Variants in NR2F1-AS1 observed in about 807,000 individuals in gnomAD.
The protein encoded by NR2F1-AS1 is NR2F1 regulatory antisense RNA 1, also known as NR2F1 antisense RNA 1.
chr5:93,464,511 G>GTT (rs1329154139), intron 4 of NR2F1-AS1, among the ~76,000 whole-genome samples: 2 of 152,106 alleles, frequency 1.3e-5, no homozygotes, highest in Non-Finnish European at 2.9e-5. Context: ...TTGATTAAGA[G>GTT]TTTTTTAAGT....
chr5:93,526,378 A>G lies in NR2F1-AS1; in HGVS notation n.638+27383T>C, dbSNP rs1199798806. On this transcript the variant is annotated intron_variant and non_coding_transcript_variant, in intron 4 of 5. Coordinates refer to ENST00000660523, the Ensembl canonical transcript of NR2F1-AS1. ...ACGGCCTACCAACCAACAAAAGCGC[A>G]GGACCAAAGAGATTCACAGACGAAT... is the stretch of plus-strand genomic sequence containing the variant. Among the ~76,000 whole-genome samples the G allele has an allele frequency of 2.0e-5, 3 of 152,336 alleles. No individual in the cohort carries two copies. The East Asian group carries it at 5.8e-4, about 29-fold the overall frequency.
chr5:93,460,140 G>A (rs1750057203), intron 4 of NR2F1-AS1, among the ~76,000 whole-genome samples: 1 of 151,996 alleles, frequency 6.6e-6, no homozygotes, highest in African/African-American at 2.4e-5. Flanking sequence ...TGATGAAAAC[G>A]CCCTGGAATG....
intron 4 of NR2F1-AS1, among the ~76,000 whole-genome samples, chr5:93,485,647 T>C (rs10067152): frequency 6.6e-6 from 1 of 152,136 alleles, no homozygotes; most frequent in African/African-American, 2.4e-5. Context: ...TGAAAAACCC[T>C]TCAAAAAGTC....
At chr5:93,464,452 A>G (rs1026116990) in intron 4 of NR2F1-AS1, among the ~76,000 whole-genome samples, 21 of 152,224 alleles carry the variant, frequency 1.4e-4, no homozygotes, top group African/African-American at 5.1e-4. Context: ...AGATGTTTTC[A>G]ATTACCCTTC....
chr5:93,580,158 T>C (rs994387379), intron 1 of NR2F1-AS1, among the ~76,000 whole-genome samples: 7 of 152,180 alleles, frequency 4.6e-5, no homozygotes, highest in African/African-American at 1.7e-4. Context: ...GTTTCCCGCC[T>C]AGGAGAGAGA....
intron 2 of NR2F1-AS1, among the ~76,000 whole-genome samples, chr5:93,556,850 G>T (rs1356411048): frequency 6.6e-6 from 1 of 152,182 alleles, no homozygotes; most frequent in African/African-American, 2.4e-5. Flanking sequence ...TTTCTGTTGA[G>T]TCAGTCGCCC....
chr5:93,582,216 T>C (rs1753115364), upstream of NR2F1-AS1, among the ~76,000 whole-genome samples: 1 of 147,694 alleles, frequency 6.8e-6, no homozygotes, highest in African/African-American at 2.5e-5. Context: ...GGGGACTTAC[T>C]ACTGTTTTAT....
chr5:93,503,338 G>A (rs1561471883), intron 4 of NR2F1-AS1, among the ~76,000 whole-genome samples: 1 of 152,016 alleles, frequency 6.6e-6, no homozygotes, highest in East Asian at 1.9e-4. Context: ...AATAGCATTG[G>A]TATTGTTACA....
At chr5:93,413,199 T>C (rs1293009918) in intron 4 of NR2F1-AS1, among the ~76,000 whole-genome samples, 1 of 108,752 alleles carries the variant, frequency 9.2e-6, no homozygotes, top group East Asian at 2.2e-4. Flanking sequence ...CATATATATG[T>C]ATATATATGT....
At chr5:93,573,567 G>A (rs1365868744) in intron 1 of NR2F1-AS1, among the ~76,000 whole-genome samples, 1 of 152,166 alleles carries the variant, frequency 6.6e-6, no homozygotes, top group Non-Finnish European at 1.5e-5. Context: ...TCAGTCAGTG[G>A]CCACAATAAA....
intron 4 of NR2F1-AS1, among the ~76,000 whole-genome samples, chr5:93,484,689 G>A (rs1750678544): frequency 6.6e-6 from 1 of 151,348 alleles, no homozygotes; most frequent in Non-Finnish European, 1.5e-5. Flanking sequence ...CCATCAATGT[G>A]CTGTATTCAG....
intron 4 of NR2F1-AS1, among the ~76,000 whole-genome samples, chr5:93,419,738 A>G (rs551020045): frequency 2.6e-5 from 4 of 152,240 alleles, no homozygotes; most frequent in Admixed American, 1.3e-4. Context: ...AGGATTCTGC[A>G]AAATTGACAC....
intron 4 of NR2F1-AS1, among the ~76,000 whole-genome samples, chr5:93,540,289 A>AT (rs1751922849): frequency 6.6e-6 from 1 of 152,218 alleles, no homozygotes; most frequent in Non-Finnish European, 1.5e-5. Flanking sequence ...AATATGTCTG[A>AT]TGAGTGTCTG....
chr5:93,442,420 C>T (rs1002101765), intron 4 of NR2F1-AS1, among the ~76,000 whole-genome samples: 10 of 152,174 alleles, frequency 6.6e-5, no homozygotes, highest in Non-Finnish European at 1.0e-4. Flanking sequence ...GAGGGTCCCA[C>T]GCCCATGGAG....
At chr5:93,414,436 A>C (rs1051738377) in intron 4 of NR2F1-AS1, among the ~76,000 whole-genome samples, 1 of 152,186 alleles carries the variant, frequency 6.6e-6, no homozygotes, top group African/African-American at 2.4e-5. Flanking sequence ...TTAAACCCTT[A>C]GTACTAATAT....
At chr5:93,422,830 A>C (rs1014974364) in intron 4 of NR2F1-AS1, among the ~76,000 whole-genome samples, 8 of 152,162 alleles carry the variant, frequency 5.3e-5, no homozygotes, top group Admixed American at 4.6e-4. Context: ...GTCCTGGAAC[A>C]ATTTTCCTCA....
At chr5:93,483,684 A>T (rs1338362160) in intron 4 of NR2F1-AS1, among the ~76,000 whole-genome samples, 1 of 152,186 alleles carries the variant, frequency 6.6e-6, no homozygotes, top group African/African-American at 2.4e-5. Flanking sequence ...ACCCAATGCA[A>T]GGAAGCTAAG....
intron 4 of NR2F1-AS1, among the ~76,000 whole-genome samples, chr5:93,509,222 G>T (rs1049287306): frequency 6.6e-6 from 1 of 152,140 alleles, no homozygotes; most frequent in Middle Eastern, 3.4e-3. Flanking sequence ...ACAAGCTCCA[G>T]AATGTGTACA....
chr5:93,485,884 C>G (rs564300842), intron 4 of NR2F1-AS1, among the ~76,000 whole-genome samples: 10 of 141,614 alleles, frequency 7.1e-5, no homozygotes, highest in African/African-American at 2.4e-4. Context: ...CAATGATAGA[C>G]TGGATTAAGA....
Sources: gnomAD v4.1 joint callset for allele counts (sites outside exome capture counted in the v4.1 genomes callset) on GRCh38, gnomAD v4.1.1 for gene constraint, MANE v1.5 for transcripts, NCBI Gene and HGNC (gene_info 2026-07-23, HGNC 2026-07-21) for gene names.